STRA6: variants seen among roughly 807,000 people sequenced by gnomAD.
The protein encoded by STRA6 is signaling receptor and transporter of retinol STRA6.
A neutral mutation model predicts 83.6 loss-of-function variants in STRA6; 48 were observed. That is an observed-to-expected ratio of 0.57 (90% confidence interval 0.46 to 0.73). STRA6 has a LOEUF of 0.73. Among genes scored for constraint, STRA6 ranks in the 30% least tolerant of loss-of-function variants. The pLI, the probability that STRA6 is intolerant of heterozygous loss-of-function variation, is 0.00. For missense variants in STRA6, 760 were observed against 838.8 expected (o/e 0.91, Z 1.16); for synonymous variants, 353 against 362.3 (o/e 0.97, Z 0.29).
At chr15:74,207,809 C>T (rs1400752897) in intron 1 of STRA6, 3 of 1,535,556 alleles carry the variant, frequency 2.0e-6, no homozygotes, top group African/African-American at 1.4e-5. Flanking sequence ...CTCACACACA[C>T]ATCCAACTGC....
At chr15:74,208,461 C>T (rs2074311884) in intron 1 of STRA6, among the ~76,000 whole-genome samples, 1 of 152,142 alleles carries the variant, frequency 6.6e-6, no homozygotes, top group African/African-American at 2.4e-5. Context: ...GACTGCTGGG[C>T]AGATCCCCTG....
rs1327392104 is a variant in STRA6 at position 74,188,200 on chromosome 15, T to G, written c.1090+915A>C. Among the ~76,000 whole-genome samples, 3 of 152,226 alleles carry G rather than the reference T, an allele frequency of 2.0e-5. No individual in the cohort carries two copies. The South Asian group carries it at 6.2e-4, about 32-fold the overall frequency. On this transcript the variant is annotated intron_variant, in intron 12 of 18. Transcript: ENST00000395105. This position sits in a 1 kb window ranked among gnomAD's most constrained non-coding sequence, Gnocchi z 4.5. Reference sequence around the variant, plus strand: ...CCACCCCCCACTCCCTGCCCCGCCATGACCAGCATGCCCAGGTCTGTAGGA... The same window carrying G: ...CCACCCCCCACTCCCTGCCCCGCCAGGACCAGCATGCCCAGGTCTGTAGGA...
intron 18 of STRA6, 78 bp downstream of exon 18, chr15:74,180,704 G>C: frequency 1.3e-6 from 2 of 1,529,758 alleles, no homozygotes; most frequent in South Asian, 1.3e-5. Context: ...CTCACTCTGT[G>C]TGCTGGGGAG....
upstream of STRA6, among the ~76,000 whole-genome samples, chr15:74,206,552 A>C (rs144142319): frequency 4.0e-3 from 612 of 152,310 alleles, 4 homozygotes; most frequent in Middle Eastern, 0.01. Flanking sequence ...AGCTGGCTTT[A>C]AAGGGGCACT....
Position 74,180,211 on chromosome 15 carries a change from C to A in STRA6, c.1873G>T (p.Ala625Ser), listed in dbSNP as rs767031345. The change falls in exon 19 of 19, where the codon GCC (alanine) becomes TCC (serine). Residue 625 changes from alanine to serine, a missense_variant. Transcript: ENST00000395105. Reference sequence around the variant, plus strand: ...CTGGCCCCGGGCCTAGCTCCCTTGGCCATGGAGTCCTTTGTCTGTAGCAGC... The same window carrying A: ...CTGGCCCCGGGCCTAGCTCCCTTGGACATGGAGTCCTTTGTCTGTAGCAGC... ...MQLLQTKDSM[A>S]KGARPGASRG... is the part of the protein sequence containing the mutation. 6.2e-7 allele frequency: 1 copy of A among 1,614,122 alleles called. No homozygotes were observed. Among genetic ancestry groups the A allele is most frequent in the Middle Eastern group, 1.6e-4 (1 of 6,062 alleles).
chr15:74,209,451 G>A (rs1419260090), upstream of STRA6: 5 of 1,535,310 alleles, frequency 3.3e-6, no homozygotes, highest in Non-Finnish European at 4.4e-6. Context: ...AACCGGATCT[G>A]CATCCTGCTG....
intron 16 of STRA6, 148 bp downstream of exon 16, chr15:74,182,013 T>C (rs950128861): frequency 7.8e-6 from 6 of 766,928 alleles, no homozygotes; most frequent in African/African-American, 6.9e-5. Flanking sequence ...CCCTTTTCTC[T>C]ATGGGTAAGG....
In STRA6 at chr15:74,183,902, G is replaced by C. The variant is rs2073114101; in HGVS notation, c.1254C>G (p.Phe418Leu). Residue 418 changes from phenylalanine to leucine, a missense_variant, in exon 14 of 19, where the codon TTC becomes TTG. Coordinates refer to ENST00000395105, the MANE Select transcript of STRA6 (RefSeq NM_022369.4). ...RSPHPSRQAI[F>L]CWMSFSAYQT... is the part of the protein sequence containing the mutation. ...GGTAGGCACTGAAGCTCATCCAACAGAATATGGCTTGGCGGGAGGGATGGG... is the reference window on the plus strand; with the variant it reads ...GGTAGGCACTGAAGCTCATCCAACACAATATGGCTTGGCGGGAGGGATGGG... 6.2e-7 allele frequency: 1 copy of C among 1,614,140 alleles called. No individual in the cohort carries two copies. Among genetic ancestry groups the C allele is most frequent in the East Asian group, 2.2e-5 (1 of 44,888 alleles).
At chr15:74,202,384 CA>C in intron 1 of STRA6, 102 bp from the exon 2 acceptor site, 4 of 1,545,214 alleles carry the variant, frequency 2.6e-6, no homozygotes, top group Non-Finnish European at 3.5e-6. Context: ...AACAAAGAAA[CA>C]TTTCTCTTTA....
Position 74,183,904 on chromosome 15 carries a change from A to C in STRA6, c.1252T>G (p.Phe418Val). 6.2e-7 allele frequency: 1 copy of C among 1,614,082 alleles called. No individual in the cohort carries two copies. The highest frequency in any genetic ancestry group is 8.5e-7 in the Non-Finnish European group (1 of 1,180,022). ...RSPHPSRQAI[F>V]CWMSFSAYQT... Reference sequence around the variant, plus strand: ...TAGGCACTGAAGCTCATCCAACAGAATATGGCTTGGCGGGAGGGATGGGGA... The same window carrying C: ...TAGGCACTGAAGCTCATCCAACAGACTATGGCTTGGCGGGAGGGATGGGGA... Residue 418 changes from phenylalanine (F) to valine (V), a missense_variant, in exon 14 of 19, where the codon TTC becomes GTC. Transcript: ENST00000395105.
intron 3 of STRA6, 70 bp downstream of exon 3, chr15:74,197,682 G>T: frequency 6.3e-7 from 1 of 1,580,874 alleles, no homozygotes; most frequent in Non-Finnish European, 8.6e-7. Flanking sequence ...CAGCCCCAGT[G>T]GGGAACACAG....
intron 17 of STRA6, 118 bp from the exon 18 acceptor site, chr15:74,181,055 G>A (rs377124532): frequency 1.5e-5 from 22 of 1,464,270 alleles, no homozygotes; most frequent in African/African-American, 8.3e-5. Flanking sequence ...CAAGCATGTC[G>A]ACACACCAAG....
chr15:74,197,310 G>A, intron 4 of STRA6, 28 bp downstream of exon 4: 1 of 1,526,720 alleles, frequency 6.5e-7, no homozygotes, highest in South Asian at 1.2e-5. Context: ...GGTCCCCTGA[G>A]TGGGGGTGCC....
intron 14 of STRA6, chr15:74,183,397 C>A: frequency 1.8e-6 from 1 of 541,854 alleles, no homozygotes; most frequent in Non-Finnish European, 2.5e-6. Flanking sequence ...AGGTGCACAC[C>A]ACCATACCCG....
At position 74,181,168 on chromosome 15, in the gene STRA6, A is replaced by G; in HGVS notation, c.1684+127T>C. ...CAGGAGGCACAGCGCAGGGGCACAC[A>G]GGTGGCACATGCAGCTACAGGCATC... On this transcript the variant is annotated intron_variant, in intron 17 of 18. Coordinates refer to ENST00000395105, the MANE Select transcript of STRA6 (RefSeq NM_022369.4). 5 of 1,436,880 alleles carry G rather than the reference A, an allele frequency of 3.5e-6. No homozygotes were observed. In the South Asian group the frequency reaches 4.9e-5, roughly 14 times the overall value. The allele number at this position is 1,436,880 out of a possible 1,614,324, so 89.0% of individuals were successfully genotyped here.
At chr15:74,189,767 A>G (rs351233) in intron 11 of STRA6, among the ~76,000 whole-genome samples, 121,268 of 151,196 alleles carry the variant, frequency 0.8, 49,598 homozygotes, top group Non-Finnish European at 0.9. Flanking sequence ...AGGTTCAAGC[A>G]ATTCTCCTGC....
upstream of STRA6, chr15:74,209,508 C>T: frequency 7.0e-7 from 1 of 1,433,140 alleles, no homozygotes; most frequent in Non-Finnish European, 9.4e-7. Flanking sequence ...GGGGAGTCAT[C>T]ACAGGGCTTC....
intron 11 of STRA6, 136 bp from the exon 12 acceptor site, chr15:74,189,413 C>G: frequency 7.7e-7 from 1 of 1,307,178 alleles, no homozygotes; most frequent in Non-Finnish European, 1.1e-6. Flanking sequence ...TTATCTGCCC[C>G]TTAGAGCAGG....
intron 7 of STRA6, 144 bp downstream of exon 7, chr15:74,195,158 A>C: frequency 6.6e-7 from 1 of 1,520,854 alleles, no homozygotes; most frequent in Middle Eastern, 2.3e-4. Flanking sequence ...TGGAAGGGGC[A>C]CATGTTTGAA....
Sources: gnomAD v4.1 joint callset for allele counts (sites outside exome capture counted in the v4.1 genomes callset) on GRCh38, gnomAD v4.1.1 for gene constraint, Gnocchi (gnomAD v3.1) non-coding constraint, MANE v1.5 for transcripts, NCBI Gene and HGNC (gene_info 2026-07-23, HGNC 2026-07-21) for gene names.